RARS2: variants seen among roughly 807,000 people sequenced by gnomAD.
RARS2 encodes arginyl-tRNA synthetase 2, mitochondrial, also known as probable arginine--tRNA ligase, mitochondrial.
Under a neutral mutation model 88.5 loss-of-function variants are expected in RARS2, and 67 were observed. The observed-to-expected ratio is 0.76, with a 90% CI of 0.62 to 0.93. RARS2 has a LOEUF of 0.93. Ranked by LOEUF, RARS2 falls within the 40% of genes least tolerant of loss-of-function variation. RARS2 has a pLI of 0.00. For missense variants in RARS2, 664 were observed against 684.2 expected (o/e 0.97, Z 0.33); for synonymous variants, 239 against 230.3 (o/e 1.04, Z -0.34).
chr6:87,521,248 A>G (rs189174891), intron 12 of RARS2, among the ~76,000 whole-genome samples: 48 of 152,370 alleles, frequency 3.2e-4, no homozygotes, highest in Admixed American at 1.4e-3. Context: ...TCACATAACC[A>G]TCTTACTGAT....
intron 4 of RARS2, among the ~76,000 whole-genome samples, chr6:87,559,562 T>C (rs13208933): frequency 0.072 from 10,909 of 151,914 alleles, 549 homozygotes; most frequent in African/African-American, 0.15. Context: ...GTTATCCTAG[T>C]TCATTGCAGC....
intron 4 of RARS2, among the ~76,000 whole-genome samples, chr6:87,562,303 A>G (rs1239839710): frequency 3.9e-5 from 6 of 152,214 alleles, no homozygotes; most frequent in Non-Finnish European, 5.9e-5. Context: ...AAACCTGTAC[A>G]GCATGTCACT....
chr6:87,563,535 C>T (rs532625084), intron 3 of RARS2, among the ~76,000 whole-genome samples: 5 of 152,318 alleles, frequency 3.3e-5, no homozygotes, highest in African/African-American at 1.2e-4. Flanking sequence ...TTCCCAGACA[C>T]TGACTCTGTG....
At chr6:87,574,587 G>A (rs1262855717) in intron 1 of RARS2, among the ~76,000 whole-genome samples, 2 of 152,166 alleles carry the variant, frequency 1.3e-5, no homozygotes, top group African/African-American at 4.8e-5. Flanking sequence ...AGAGAGAATA[G>A]GGAGGGAGGC....
intron 5 of RARS2, among the ~76,000 whole-genome samples, chr6:87,549,166 C>A (rs1316456816): frequency 6.6e-6 from 1 of 151,844 alleles, no homozygotes; most frequent in Admixed American, 6.6e-5. Context: ...ACCATCCTGG[C>A]CAACATGGTG....
chr6:87,580,072 C>A (rs929065432), intron 1 of RARS2, among the ~76,000 whole-genome samples: 1 of 152,134 alleles, frequency 6.6e-6, no homozygotes, highest in East Asian at 1.9e-4. Context: ...TGTATTCTCA[C>A]AGGTTTAGAA....
intron 11 of RARS2, among the ~76,000 whole-genome samples, chr6:87,524,324 C>T (rs1774958885): frequency 6.6e-6 from 1 of 152,282 alleles, no homozygotes; most frequent in South Asian, 2.1e-4. Flanking sequence ...GTAAGATGTT[C>T]TTTACAGCAT....
At position 87,529,664 on chromosome 6, in the gene RARS2, A is replaced by G; in HGVS notation, c.772-16T>C. The G allele has an allele frequency of 6.5e-7, 1 of 1,542,940 alleles. No homozygotes were observed. Among genetic ancestry groups the G allele is most frequent in the South Asian group, 1.1e-5 (1 of 89,522 alleles). ...CTCCCAGACGCTAAAAGAGTTCAGA[A>G]ACAAAAAGACAAAGAAATGTTAATT... On this transcript the variant is annotated splice_polypyrimidine_tract_variant and intron_variant, in intron 9 of 19. Coordinates refer to ENST00000369536, the MANE Select transcript of RARS2 (RefSeq NM_020320.5).
intron 8 of RARS2, among the ~76,000 whole-genome samples, chr6:87,537,772 GT>G (rs1779658904): frequency 6.6e-6 from 1 of 152,162 alleles, no homozygotes; most frequent in South Asian, 2.1e-4. Context: ...TTATCTTAAA[GT>G]TTTCCTTCGA....
intron 4 of RARS2, among the ~76,000 whole-genome samples, chr6:87,561,774 T>A (rs1411223380): frequency 6.6e-6 from 1 of 152,164 alleles, no homozygotes; most frequent in African/African-American, 2.4e-5. Flanking sequence ...AAGATTCAGA[T>A]CCTCAAGGCT....
chr6:87,579,414 A>C (rs995626410), intron 1 of RARS2, among the ~76,000 whole-genome samples: 5 of 152,260 alleles, frequency 3.3e-5, no homozygotes, highest in Middle Eastern at 6.8e-3. Flanking sequence ...AGTGGTTATC[A>C]AGCTCGGATG....
intron 11 of RARS2, among the ~76,000 whole-genome samples, chr6:87,523,276 A>C (rs1165387407): frequency 1.3e-5 from 2 of 152,204 alleles, no homozygotes; most frequent in Non-Finnish European, 2.9e-5. Flanking sequence ...CAGATCTCTC[A>C]TTTCACAAAG....
chr6:87,529,666 C>CA lies in RARS2; in HGVS notation c.772-19dup. 1 of 1,529,992 alleles carries CA rather than the reference C, an allele frequency of 6.5e-7. No individual in the cohort carries two copies. The highest frequency in any genetic ancestry group is 1.1e-5 in the South Asian group (1 of 89,258). The allele number at this position is 1,529,992 out of a possible 1,614,324, so 94.8% of individuals were successfully genotyped here. On this transcript the variant is annotated intron_variant, in intron 9 of 19. Transcript: ENST00000369536. ...CCCAGACGCTAAAAGAGTTCAGAAA[C>CA]AAAAAGACAAAGAAATGTTAATTGA... is the stretch of plus-strand genomic sequence containing the variant.
chr6:87,514,403 T>C lies in RARS2; in HGVS notation c.*10A>G. Reference sequence around the variant, plus strand: ...TTCACTTGACATTTTAAAAGCCATTTTAATGGAAATTACATCCTACATACA... The same window carrying C: ...TTCACTTGACATTTTAAAAGCCATTCTAATGGAAATTACATCCTACATACA... On this transcript the variant is annotated 3_prime_UTR_variant, in exon 20 of 20. Coordinates refer to ENST00000369536, the MANE Select transcript of RARS2 (RefSeq NM_020320.5). 1.3e-6 allele frequency: 2 copies of C among 1,574,546 alleles called. No individual in the cohort carries two copies. The highest frequency in any genetic ancestry group is 1.7e-6 in the Non-Finnish European group (2 of 1,144,070).
chr6:87,526,136 T>C (rs1775613853), intron 10 of RARS2, among the ~76,000 whole-genome samples: 2 of 152,304 alleles, frequency 1.3e-5, no homozygotes, highest in African/African-American at 4.8e-5. Context: ...TCCAATGACA[T>C]TTTTCACAGA....
intron 2 of RARS2, 77 bp from the exon 3 acceptor site, chr6:87,564,309 A>C: frequency 3.9e-6 from 4 of 1,030,530 alleles, no homozygotes; most frequent in Non-Finnish European, 6.0e-6. Flanking sequence ...AATCACTATG[A>C]GTTCTCCATT....
intron 1 of RARS2, among the ~76,000 whole-genome samples, chr6:87,583,951 T>C (rs554406060): frequency 3.3e-5 from 5 of 152,184 alleles, no homozygotes; most frequent in South Asian, 2.1e-4. Context: ...CTAAGCACAA[T>C]ATACCACTGT....
Position 87,519,687 on chromosome 6 carries a change from C to A in RARS2, c.1133G>T (p.Gly378Val), listed in dbSNP as rs1773211702. 1.9e-6 allele frequency: 3 copies of A among 1,613,970 alleles called. No individual in the cohort carries two copies. The highest frequency in any genetic ancestry group is 1.7e-6 in the Non-Finnish European group (2 of 1,179,880). ...TCGAGTCTTCATTCCCTGTACTACTCCAAAGGGCACGTGCTGGCACCTAAA... is the reference window on the plus strand; with the variant it reads ...TCGAGTCTTCATTCCCTGTACTACTACAAAGGGCACGTGCTGGCACCTAAA... Reference protein sequence around the residue: ...WAERCQHVPFGVVQGMKTRRG... With the variant: ...WAERCQHVPFVVVQGMKTRRG... Residue 378 changes from glycine to valine, a missense_variant, in exon 14 of 20, where the codon GGA becomes GTA. Transcript: ENST00000369536.
At chr6:87,555,617 AATTTCTTAGCATCCTC>A in intron 4 of RARS2, 112 bp from the exon 5 acceptor site, 1 of 837,804 alleles carries the variant, frequency 1.2e-6, no homozygotes, top group Non-Finnish European at 2.0e-6. Context: ...TGGAACTGAG[AATTTCTTAGCATCCTC>A]AGTGGCACTA....
Sources: allele counts gnomAD v4.1 joint callset (sites outside exome capture counted in the v4.1 genomes callset), GRCh38; gene constraint gnomAD v4.1.1; transcripts MANE v1.5; gene names NCBI Gene and HGNC (gene_info 2026-07-23, HGNC 2026-07-21).